ASTN2: variants seen among roughly 807,000 people sequenced by gnomAD.
ASTN2 encodes the protein astrotactin-2.
In ASTN2, 54 loss-of-function variants were observed where a neutral mutation model predicts 139.8. The ratio of observed to expected loss-of-function variants is 0.39; its 90% confidence interval spans 0.31 to 0.48. The LOEUF is 0.48. ASTN2 is among the 20% of genes least tolerant of loss of function. The pLI, the probability that ASTN2 is intolerant of heterozygous loss-of-function variation, is 0.95. For missense variants in ASTN2, 1,565 were observed against 1,725.1 expected (o/e 0.91, Z 1.64); for synonymous variants, 756 against 719.5 (o/e 1.05, Z -0.81).
intron 1 of ASTN2, among the ~76,000 whole-genome samples, chr9:117,308,160 C>A (rs1056457274): frequency 6.6e-6 from 1 of 152,154 alleles, no homozygotes; most frequent in Non-Finnish European, 1.5e-5. Context: ...TTCCACACAC[C>A]ATGCAGGAAA....
At chr9:116,759,378 A>T (rs1286014112) in intron 13 of ASTN2, among the ~76,000 whole-genome samples, 1 of 152,150 alleles carries the variant, frequency 6.6e-6, no homozygotes, top group Non-Finnish European at 1.5e-5. Flanking sequence ...AAGTCTCAAA[A>T]CATACATAAC....
chr9:117,036,561 T>C (rs1042869804), intron 6 of ASTN2, among the ~76,000 whole-genome samples: 7 of 152,100 alleles, frequency 4.6e-5, no homozygotes, highest in Admixed American at 4.6e-4. Flanking sequence ...CTCCTCTATA[T>C]GGCTTATACA....
chr9:117,268,485 G>A (rs1015624928), intron 2 of ASTN2, among the ~76,000 whole-genome samples: 9 of 152,166 alleles, frequency 5.9e-5, no homozygotes, highest in Admixed American at 2.6e-4. Flanking sequence ...CTGGCTAGAA[G>A]TATACTTTTT....
At chr9:117,342,112 A>C (rs747849661) in intron 1 of ASTN2, among the ~76,000 whole-genome samples, 42 of 152,174 alleles carry the variant, frequency 2.8e-4, no homozygotes, top group Non-Finnish European at 4.6e-4. Context: ...CATGTCATGT[A>C]TTACAAAGCA....
chr9:116,925,930 A>G (rs142077303), intron 10 of ASTN2, among the ~76,000 whole-genome samples: 8 of 152,052 alleles, frequency 5.3e-5, no homozygotes, highest in Non-Finnish European at 1.0e-4. Context: ...ATGCTCATAC[A>G]TTCAAAAACA....
intron 2 of ASTN2, among the ~76,000 whole-genome samples, chr9:117,239,380 A>G (rs550704805): frequency 1.2e-4 from 18 of 152,252 alleles, no homozygotes; most frequent in African/African-American, 3.6e-4. Flanking sequence ...ACATGTTTCT[A>G]TAATAGGATC....
intron 13 of ASTN2, among the ~76,000 whole-genome samples, chr9:116,790,996 AAAG>A (rs1438982270): frequency 2.5e-5 from 3 of 120,144 alleles, no homozygotes; most frequent in African/African-American, 9.2e-5. Context: ...AGAAAGAAAG[AAAG>A]AAAGAAAGAA....
chr9:116,814,000 C>T (rs183277406), intron 12 of ASTN2, among the ~76,000 whole-genome samples: 42 of 147,272 alleles, frequency 2.9e-4, no homozygotes, highest in East Asian at 2.2e-3. Flanking sequence ...TGTGCCATTG[C>T]GCTCCAGCCT....
intron 19 of ASTN2, among the ~76,000 whole-genome samples, chr9:116,524,444 C>G (rs1294070125): frequency 1.3e-5 from 2 of 152,138 alleles, no homozygotes; most frequent in Non-Finnish European, 2.9e-5. Flanking sequence ...CCAGAAACAC[C>G]TTTCCCTTGC....
At chr9:117,055,247 C>T (rs1393057694) in intron 5 of ASTN2, among the ~76,000 whole-genome samples, 2 of 152,198 alleles carry the variant, frequency 1.3e-5, no homozygotes, top group Non-Finnish European at 2.9e-5. Flanking sequence ...CCTAAAAGTG[C>T]CAGACATTGT....
chr9:117,308,337 A>G (rs1208283946), intron 1 of ASTN2, among the ~76,000 whole-genome samples: 1 of 152,226 alleles, frequency 6.6e-6, no homozygotes, highest in Non-Finnish European at 1.5e-5. Flanking sequence ...GCACACTGCA[A>G]TTCATGCTCA....
chr9:117,246,913 C>G (rs1345419446), intron 2 of ASTN2, among the ~76,000 whole-genome samples: 2 of 152,052 alleles, frequency 1.3e-5, no homozygotes, highest in Non-Finnish European at 2.9e-5. Flanking sequence ...TGGATACCAG[C>G]CCTGGGGTGA....
chr9:116,953,818 C>T (rs375266102), intron 10 of ASTN2, among the ~76,000 whole-genome samples: 1 of 152,284 alleles, frequency 6.6e-6, no homozygotes, highest in East Asian at 1.9e-4. Context: ...AGATAAGAGA[C>T]TTGTCCAAGG....
At chr9:117,128,847 T>C (rs368818449) in intron 4 of ASTN2, among the ~76,000 whole-genome samples, 3 of 152,160 alleles carry the variant, frequency 2.0e-5, no homozygotes, top group East Asian at 3.9e-4. Context: ...CCATCTTACA[T>C]GGATGGCAGC....
At chr9:117,332,530 T>C (rs1184744290) in intron 1 of ASTN2, among the ~76,000 whole-genome samples, 1 of 152,112 alleles carries the variant, frequency 6.6e-6, no homozygotes, top group East Asian at 1.9e-4. Flanking sequence ...TGCACCACTA[T>C]ACTTCAGCCT....
intron 3 of ASTN2, among the ~76,000 whole-genome samples, chr9:117,160,811 A>G (rs1830533601): frequency 6.6e-6 from 1 of 152,056 alleles, no homozygotes; most frequent in Non-Finnish European, 1.5e-5. Flanking sequence ...AACTTGCACT[A>G]ACTAGGTACT....
At chr9:117,324,847 A>C (rs908754563) in intron 1 of ASTN2, among the ~76,000 whole-genome samples, 1 of 152,128 alleles carries the variant, frequency 6.6e-6, no homozygotes, top group African/African-American at 2.4e-5. Flanking sequence ...AGATTTAAAC[A>C]GTTTAAGGAG....
intron 19 of ASTN2, among the ~76,000 whole-genome samples, chr9:116,506,298 C>A (rs2119162384): frequency 6.6e-6 from 1 of 152,318 alleles, no homozygotes; most frequent in South Asian, 2.1e-4. Context: ...AGAAAATTTT[C>A]TAAAGTCCTT....
At chr9:116,521,164 T>G (rs1564339329) in intron 19 of ASTN2, among the ~76,000 whole-genome samples, 1 of 151,922 alleles carries the variant, frequency 6.6e-6, no homozygotes, top group Non-Finnish European at 1.5e-5. Flanking sequence ...TCCTAAAATC[T>G]ATGTGGGACC....
Sources: allele counts gnomAD v4.1 joint callset (sites outside exome capture counted in the v4.1 genomes callset), GRCh38; gene constraint gnomAD v4.1.1; transcripts MANE v1.5; gene names NCBI Gene and HGNC (gene_info 2026-07-23, HGNC 2026-07-21).